Variants in MATN2 observed in about 807,000 individuals in gnomAD.
The protein encoded by MATN2 is matrilin 2.
A neutral mutation model predicts 103.2 loss-of-function variants in MATN2; 69 were observed. The observed-to-expected ratio is 0.67, with a 90% confidence interval of 0.55 to 0.82. The LOEUF is 0.82. Among genes scored for constraint, MATN2 ranks in the 40% least tolerant of loss-of-function variants. MATN2 has a pLI of 0.00. For synonymous variants in MATN2, 429 were observed against 450.2 expected (o/e 0.95, Z 0.60); for missense variants, 1,023 against 1,211.5 (o/e 0.84, Z 2.31).
chr8:98,003,930 C>A, intron 8 of MATN2, 147 bp downstream of exon 8: 1 of 873,954 alleles, frequency 1.1e-6, no homozygotes, highest in Non-Finnish European at 1.8e-6. Context: ...TCAGTTTCAT[C>A]ACCCATAGAA....
chr8:97,983,105 C>T (rs1369369261), intron 6 of MATN2, among the ~76,000 whole-genome samples: 3 of 152,204 alleles, frequency 2.0e-5, no homozygotes, highest in African/African-American at 4.8e-5. Flanking sequence ...TCACCACTCT[C>T]GGCACTTCAT....
intron 13 of MATN2, chr8:98,025,414 T>C (rs1813754998): frequency 1.0e-5 from 2 of 190,904 alleles, no homozygotes. Flanking sequence ...CTGCTTGATA[T>C]ATAAAACAGA....
chr8:97,930,897 T>G, intron 2 of MATN2, 56 bp from the exon 3 acceptor site: 11 of 1,276,364 alleles, frequency 8.6e-6, no homozygotes, highest in Non-Finnish European at 1.2e-5. Context: ...ATTACAGGTG[T>G]GAGCCACCAC....
intron 6 of MATN2, among the ~76,000 whole-genome samples, chr8:97,992,752 A>AAAAAAAAAAAAAAAAAAAAC (rs1812437550): frequency 7.5e-6 from 1 of 133,604 alleles, no homozygotes; most frequent in Non-Finnish European, 1.6e-5. Context: ...TCTCAAAAAA[A>AAAAAAAAAAAAAAAAAAAAC]AAAAAAAAAA....
At chr8:97,946,987 A>T (rs1311170500) in intron 4 of MATN2, among the ~76,000 whole-genome samples, 2 of 152,362 alleles carry the variant, frequency 1.3e-5, no homozygotes, top group East Asian at 3.9e-4. Flanking sequence ...ATAGAATTCA[A>T]CAATATATAG....
chr8:97,989,189 G>C (rs554770674), intron 6 of MATN2, among the ~76,000 whole-genome samples: 6 of 152,298 alleles, frequency 3.9e-5, no homozygotes, highest in African/African-American at 1.4e-4. Context: ...AATGAAGGTG[G>C]CCAGGCGTGG....
chr8:98,001,248 T>G (rs1812775900), intron 7 of MATN2, among the ~76,000 whole-genome samples: 1 of 152,220 alleles, frequency 6.6e-6, no homozygotes, highest in Admixed American at 6.5e-5. Flanking sequence ...GTTGGTCCTA[T>G]GGATGGCTCA....
At chr8:98,030,428 A>G in intron 14 of MATN2, 34 bp from the exon 15 acceptor site, 1 of 1,591,716 alleles carries the variant, frequency 6.3e-7, no homozygotes, top group South Asian at 1.1e-5. Flanking sequence ...ACACAACTCT[A>G]ACTAACTTGC....
Position 97,916,369 on chromosome 8 carries a change from C to T in MATN2, c.143-14584C>T, listed in dbSNP as rs370582002. Reference sequence around the variant, plus strand: ...ACAGGCATGAGCCACTGTGCCTGACCTGACTATTGTTTTTAATTTTAACTT... The same window carrying T: ...ACAGGCATGAGCCACTGTGCCTGACTTGACTATTGTTTTTAATTTTAACTT... On this transcript the variant is annotated intron_variant, in intron 2 of 18. Transcript: ENST00000254898. 3.3e-5 allele frequency among the ~76,000 whole-genome samples: 5 copies of T among 152,256 alleles called. No individual in the cohort carries two copies. In the East Asian group the frequency reaches 5.8e-4, roughly 18 times the overall value.
intron 2 of MATN2, among the ~76,000 whole-genome samples, chr8:97,910,749 A>C (rs1809387088): frequency 1.3e-5 from 2 of 152,210 alleles, no homozygotes; most frequent in Non-Finnish European, 2.9e-5. Flanking sequence ...TGGCTCCACC[A>C]GTTACTAACT....
At chr8:97,990,179 CAAAA>C (rs34924183) in intron 6 of MATN2, among the ~76,000 whole-genome samples, 4 of 45,828 alleles carry the variant, frequency 8.7e-5, no homozygotes, top group Middle Eastern at 0.014. Flanking sequence ...AAGACTCTGT[CAAAA>C]AAAAAAAAAA....
intron 10 of MATN2, among the ~76,000 whole-genome samples, chr8:98,012,306 C>G (rs901393725): frequency 6.6e-6 from 1 of 152,180 alleles, no homozygotes; most frequent in Admixed American, 6.5e-5. Flanking sequence ...GCAGAGACAG[C>G]GTCCATTCCT....
chr8:97,942,581 G>A (rs1810605380), intron 4 of MATN2, among the ~76,000 whole-genome samples: 1 of 152,190 alleles, frequency 6.6e-6, no homozygotes, highest in Non-Finnish European at 1.5e-5. Flanking sequence ...TAAAGCCACT[G>A]AGTTAACCTA....
intron 6 of MATN2, among the ~76,000 whole-genome samples, chr8:97,990,268 A>G (rs1812351030): frequency 6.6e-6 from 1 of 152,106 alleles, no homozygotes; most frequent in South Asian, 2.1e-4. Flanking sequence ...ATATATAGAG[A>G]TGGCGAAGAA....
chr8:97,980,901 G>T (rs1267790083), intron 6 of MATN2, among the ~76,000 whole-genome samples: 3 of 152,062 alleles, frequency 2.0e-5, no homozygotes, highest in South Asian at 2.1e-4. Flanking sequence ...ATGAGGCTGG[G>T]CACAGTGGCT....
intron 5 of MATN2, among the ~76,000 whole-genome samples, chr8:97,977,835 TG>T (rs1811888442): frequency 6.6e-6 from 1 of 152,176 alleles, no homozygotes; most frequent in Admixed American, 6.5e-5. Context: ...ACTTGCTGTT[TG>T]TTTTGCCCAA....
chr8:98,019,614 T>C lies in MATN2; in HGVS notation c.1819+1498T>C, dbSNP rs180715213. ...CCAAAGTGACACATCAAATTAACCT[T>C]CACAGTACCCAAAGGAACAGAGGGA... On this transcript the variant is annotated intron_variant, in intron 12 of 18. Coordinates refer to ENST00000254898, the MANE Select transcript of MATN2 (RefSeq NM_002380.5). Among the ~76,000 whole-genome samples, 4 of 152,298 alleles carry C rather than the reference T, an allele frequency of 2.6e-5. No homozygotes were observed. The East Asian group carries it at 7.7e-4, about 29-fold the overall frequency.
At chr8:97,933,081 T>G (rs1810252064) in intron 3 of MATN2, among the ~76,000 whole-genome samples, 1 of 152,064 alleles carries the variant, frequency 6.6e-6, no homozygotes, top group Non-Finnish European at 1.5e-5. Flanking sequence ...AGAACTAACT[T>G]CAAAAAGCAC....
At chr8:97,948,346 G>T (rs573391045) in intron 4 of MATN2, among the ~76,000 whole-genome samples, 1 of 152,268 alleles carries the variant, frequency 6.6e-6, no homozygotes, top group South Asian at 2.1e-4. Context: ...CAAGTAGGCA[G>T]ATTCACAAAT....
Sources: gnomAD v4.1 joint callset for allele counts (sites outside exome capture counted in the v4.1 genomes callset) on GRCh38, gnomAD v4.1.1 for gene constraint, MANE v1.5 for transcripts, NCBI Gene and HGNC (gene_info 2026-07-23, HGNC 2026-07-21) for gene names.